BAZ2B: variants seen among roughly 807,000 people sequenced by gnomAD.
BAZ2B encodes the protein bromodomain adjacent to zinc finger domain 2B, also known as bromodomain adjacent to zinc finger domain protein 2B.
A neutral mutation model predicts 246.0 loss-of-function variants in BAZ2B; 91 were observed. That is an observed-to-expected ratio of 0.37 (90% CI 0.31 to 0.44). The LOEUF (loss-of-function observed/expected upper bound fraction) is 0.44. BAZ2B is among the 20% of genes least tolerant of loss of function. The pLI, the probability that BAZ2B is intolerant of heterozygous loss-of-function variation, is 1.00. For missense variants in BAZ2B, 2,332 were observed against 2,533.7 expected (o/e 0.92, Z 1.71); for synonymous variants, 855 against 860.0 (o/e 0.99, Z 0.10).
intron 2 of BAZ2B, among the ~76,000 whole-genome samples, chr2:159,513,419 G>T (rs886868737): frequency 1.3e-5 from 2 of 152,034 alleles, no homozygotes; most frequent in Non-Finnish European, 2.9e-5. Flanking sequence ...CTCAATTTGG[G>T]TTGTACCCAC....
Position 159,613,484 on chromosome 2 carries a change from T to TCAA in BAZ2B, c.-46+2757_-46+2758insTTG, listed in dbSNP as rs1695155050. Among the ~76,000 whole-genome samples, 4 of 32,744 alleles carry TCAA rather than the reference T, an allele frequency of 1.2e-4. No individual in the cohort carries two copies. In the South Asian group the frequency reaches 6.0e-3, roughly 49 times the overall value. 21.5% of individuals were successfully genotyped at this position (32,744 alleles called of 152,430 possible). On this transcript the variant is annotated intron_variant, in intron 1 of 36. Transcript: ENST00000392783. ...TAAAAAAAAAAAAAAAAAAGACTCTTCATCATCGTAGGCTTAAAATAATTT... is the reference window on the plus strand; with the variant it reads ...TAAAAAAAAAAAAAAAAAAGACTCTTCAACATCATCGTAGGCTTAAAATAATTT...
downstream of BAZ2B, among the ~76,000 whole-genome samples, chr2:159,318,101 TA>T (rs2062302379): frequency 6.6e-6 from 1 of 152,216 alleles, no homozygotes; most frequent in Non-Finnish European, 1.5e-5. Flanking sequence ...CCAGACATGT[TA>T]TTATCAAGCC....
intron 3 of BAZ2B, chr2:159,459,599 GAA>G (rs2076175340): frequency 6.6e-6 from 1 of 152,098 alleles, no homozygotes; most frequent in South Asian, 2.1e-4. Context: ...TGTTCACTAG[GAA>G]AATTTTGATC....
chr2:159,522,240 A>T (rs1290438169), intron 2 of BAZ2B, among the ~76,000 whole-genome samples: 1 of 152,126 alleles, frequency 6.6e-6, no homozygotes, highest in Non-Finnish European at 1.5e-5. Context: ...TTAAAGAAAA[A>T]ATAAGTATTA....
chr2:159,412,603 C>G, intron 13 of BAZ2B, 58 bp from the exon 14 acceptor site: 1 of 1,470,018 alleles, frequency 6.8e-7, no homozygotes, highest in Non-Finnish European at 9.2e-7. Context: ...CACAAGAGAT[C>G]AACATGTAAG....
the BAZ2B span, among the ~76,000 whole-genome samples, chr2:159,624,589 G>A: frequency 6.6e-6 from 1 of 152,304 alleles, no homozygotes; most frequent in Non-Finnish European, 1.5e-5. Context: ...TGCAGCAGAG[G>A]GGCCTGACTG....
At chr2:159,446,518 T>A (rs1489983432) in intron 6 of BAZ2B, among the ~76,000 whole-genome samples, 2 of 152,204 alleles carry the variant, frequency 1.3e-5, no homozygotes, top group African/African-American at 4.8e-5. Flanking sequence ...CAGTAGCTAC[T>A]TCATTTCGGA....
chr2:159,344,585 GCACTATA>G (rs2067423842), intron 31 of BAZ2B, among the ~76,000 whole-genome samples: 1 of 151,692 alleles, frequency 6.6e-6, no homozygotes, highest in Non-Finnish European at 1.5e-5. Flanking sequence ...GTTTACTGCG[GCACTATA>G]CACAATAGCC....
the BAZ2B span, among the ~76,000 whole-genome samples, chr2:159,679,077 C>G: frequency 6.6e-6 from 1 of 151,976 alleles, no homozygotes; most frequent in Non-Finnish European, 1.5e-5. Context: ...TCGAGACCAT[C>G]CTGGCTAACA....
chr2:159,411,326 T>C (rs1440507241), intron 14 of BAZ2B, among the ~76,000 whole-genome samples: 1 of 152,188 alleles, frequency 6.6e-6, no homozygotes, highest in Non-Finnish European at 1.5e-5. Context: ...TTCTATTCTA[T>C]GAGTTTTGTC....
intron 27 of BAZ2B, among the ~76,000 whole-genome samples, chr2:159,350,938 G>A (rs2058490280): frequency 6.6e-6 from 1 of 151,620 alleles, no homozygotes; most frequent in Non-Finnish European, 1.5e-5. Flanking sequence ...GGATAACATT[G>A]GGAGATCTAC....
the BAZ2B span, among the ~76,000 whole-genome samples, chr2:159,699,262 G>A: frequency 6.6e-6 from 1 of 152,124 alleles, no homozygotes; most frequent in Non-Finnish European, 1.5e-5. Flanking sequence ...AAGCTCCAGG[G>A]TCAGGCACAG....
At chr2:159,540,316 C>G (rs544273700) in intron 2 of BAZ2B, among the ~76,000 whole-genome samples, 1 of 152,316 alleles carries the variant, frequency 6.6e-6, no homozygotes, top group South Asian at 2.1e-4. Flanking sequence ...TGAGACCAAA[C>G]AACTTTCCAT....
upstream of BAZ2B, among the ~76,000 whole-genome samples, chr2:159,618,609 A>G (rs1559919510): frequency 1.3e-5 from 2 of 152,148 alleles, no homozygotes; most frequent in Non-Finnish European, 2.9e-5. Flanking sequence ...TTAAATAAAT[A>G]ATATTTTTAA....
intron 36 of BAZ2B, among the ~76,000 whole-genome samples, 168 bp downstream of exon 36, chr2:159,324,643 C>T (rs1231234674): frequency 1.8e-4 from 4 of 22,376 alleles, no homozygotes; most frequent in African/African-American, 7.5e-4. Flanking sequence ...CACACACACA[C>T]ACACACACAC....
At chr2:159,663,513 GTTTT>G in the BAZ2B span, among the ~76,000 whole-genome samples, 1 of 143,156 alleles carries the variant, frequency 7.0e-6, no homozygotes, top group Non-Finnish European at 1.5e-5. Flanking sequence ...TGTTGCTAAT[GTTTT>G]TTTTTTTTCT....
intron 25 of BAZ2B, among the ~76,000 whole-genome samples, chr2:159,378,550 A>G (rs535367911): frequency 1.3e-5 from 2 of 152,342 alleles, no homozygotes; most frequent in South Asian, 4.1e-4. Context: ...TGCAAATCAT[A>G]TATTTGATAA....
At chr2:159,527,456 TAA>T (rs1179512983) in intron 2 of BAZ2B, among the ~76,000 whole-genome samples, 1 of 152,250 alleles carries the variant, frequency 6.6e-6, no homozygotes, top group Non-Finnish European at 1.5e-5. Flanking sequence ...TTAATTTTGA[TAA>T]AGTCCAATTT....
rs2083682639 is a variant in BAZ2B, at chr2:159,518,481, A to G, written c.-3+37342T>C. On this transcript the variant is annotated intron_variant, in intron 2 of 36. Coordinates refer to ENST00000392783, the MANE Select transcript of BAZ2B (RefSeq NM_013450.4). ...TCCCCTGTACTCTGGAAAGTCCAAG[A>G]AACCACAGAGCTCAGTCGTCCATAT... 2.0e-5 allele frequency among the ~76,000 whole-genome samples: 3 copies of G among 152,216 alleles called. No individual in the cohort carries two copies. The South Asian group carries it at 6.2e-4, about 32-fold the overall frequency.
Sources: allele counts gnomAD v4.1 joint callset (sites outside exome capture counted in the v4.1 genomes callset), GRCh38; gene constraint gnomAD v4.1.1; transcripts MANE v1.5; gene names NCBI Gene and HGNC (gene_info 2026-07-23, HGNC 2026-07-21).